The following GATB variants were observed in gnomAD, a reference collection of about 807,000 sequenced individuals.
The protein encoded by GATB is glutamyl-tRNA amidotransferase subunit B, also known as glutamyl-tRNA(Gln) amidotransferase subunit B, mitochondrial.
A neutral mutation model predicts 62.3 loss-of-function variants in GATB; 39 were observed. The observed-to-expected ratio is 0.63, with a 90% CI of 0.48 to 0.82. The LOEUF is 0.82. GATB is among the 40% of genes least tolerant of loss of function. GATB has a pLI of 0.00. For synonymous variants in GATB, 276 were observed against 258.9 expected, an observed-to-expected ratio of 1.07 and a Z score of -0.63; for missense variants, 670 against 684.0, an observed-to-expected ratio of 0.98 and a Z score of 0.23.
In GATB at chr4:151,760,804, T is replaced by C; in HGVS notation, c.176+3A>G. On this transcript the variant is annotated splice_donor_region_variant and intron_variant, in intron 1 of 12. Coordinates refer to ENST00000263985, the MANE Select transcript of GATB (RefSeq NM_004564.3). ...GTGGGCAGAAATGTATGAAACAGAA[T>C]ACCCTTTCCTCGTCTTCTGGGCCGT... 2.5e-6 allele frequency: 4 copies of C among 1,598,538 alleles called. No homozygotes were observed. Among genetic ancestry groups the C allele is most frequent in the Non-Finnish European group, 3.4e-6 (4 of 1,172,240 alleles).
intron 9 of GATB, among the ~76,000 whole-genome samples, chr4:151,698,314 C>T (rs376378779): frequency 1.9e-4 from 29 of 151,974 alleles, no homozygotes; most frequent in African/African-American, 5.8e-4. Flanking sequence ...GCTCACTGCA[C>T]GATAAAATGA....
At chr4:151,712,170 C>A (rs147423679) in intron 5 of GATB, among the ~76,000 whole-genome samples, 62 of 152,320 alleles carry the variant, frequency 4.1e-4, no homozygotes, top group Non-Finnish European at 7.5e-4. Flanking sequence ...TCCATAAATA[C>A]CTGAGAGGAA....
At chr4:151,679,582 T>A (rs1738093593) in intron 11 of GATB, among the ~76,000 whole-genome samples, 1 of 152,170 alleles carries the variant, frequency 6.6e-6, no homozygotes, top group Admixed American at 6.5e-5. Flanking sequence ...GACCAGACAA[T>A]AACTATTTCC....
chr4:151,723,981 T>C (rs1363091151), intron 2 of GATB: 1 of 152,162 alleles, frequency 6.6e-6, no homozygotes, highest in Non-Finnish European at 1.5e-5. Flanking sequence ...CTTGTCTGGC[T>C]TATTGTAAGA....
At chr4:151,741,047 C>A (rs997196536) in intron 2 of GATB, among the ~76,000 whole-genome samples, 1 of 152,062 alleles carries the variant, frequency 6.6e-6, no homozygotes, top group Non-Finnish European at 1.5e-5. Context: ...ACAGGAGTGC[C>A]CCCTTATCCA....
At chr4:151,758,564 G>A (rs1489149651) in intron 2 of GATB, among the ~76,000 whole-genome samples, 1 of 152,168 alleles carries the variant, frequency 6.6e-6, no homozygotes, top group Non-Finnish European at 1.5e-5. Flanking sequence ...GTGAAGTGAT[G>A]AATACATGTA....
At chr4:151,732,064 A>C (rs1739274996) in intron 2 of GATB, among the ~76,000 whole-genome samples, 5 of 123,746 alleles carry the variant, frequency 4.0e-5, no homozygotes, top group African/African-American at 9.9e-5. Context: ...TGGGGGGGTC[A>C]GCCCCCGCCC....
intron 10 of GATB, among the ~76,000 whole-genome samples, chr4:151,684,596 T>C (rs993391818): frequency 3.9e-5 from 6 of 152,242 alleles, no homozygotes; most frequent in Admixed American, 6.5e-5. Context: ...GCTGAGGCTG[T>C]TCATTAATTA....
intron 9 of GATB, among the ~76,000 whole-genome samples, chr4:151,696,153 G>A (rs1738465840): frequency 6.6e-6 from 1 of 152,174 alleles, no homozygotes; most frequent in Non-Finnish European, 1.5e-5. Context: ...TAAAGCTGCA[G>A]AGGACGGCTT....
In GATB at chr4:151,756,409, T is replaced by C. The variant is rs77311825; in HGVS notation, c.327+2363A>G. Among the ~76,000 whole-genome samples, 898 of 152,340 alleles carry C rather than the reference T, an allele frequency of 5.9e-3. 7 individuals are homozygous for C. The highest frequency in any genetic ancestry group is 0.02 in the African/African-American group (844 of 41,588). Reference sequence around the variant, plus strand: ...TCTATTTAGAGGTAAATCAAAAGATTTTGAAATGTTTTGAATGGCAATGCT... The same window carrying C: ...TCTATTTAGAGGTAAATCAAAAGATCTTGAAATGTTTTGAATGGCAATGCT... On this transcript the variant is annotated intron_variant, in intron 2 of 12. Coordinates refer to ENST00000263985, the MANE Select transcript of GATB (RefSeq NM_004564.3).
Position 151,730,244 on chromosome 4 carries a change from C to T in GATB, c.328-10706G>A, listed in dbSNP as rs1270538546. On this transcript the variant is annotated intron_variant, in intron 2 of 12. Transcript: ENST00000263985. The surrounding 1 kb of genome is among the most constrained non-coding windows in gnomAD (Gnocchi z 4.1). ...ACTCCAGTGACCTGGGAATCTCATC[C>T]CCATCATCCACAGCAGCCGCAGCAA... 6.6e-6 allele frequency among the ~76,000 whole-genome samples: 1 copy of T among 152,140 alleles called. No individual in the cohort carries two copies. Among genetic ancestry groups the T allele is most frequent in the Non-Finnish European group, 1.5e-5 (1 of 68,026 alleles).
intron 9 of GATB, among the ~76,000 whole-genome samples, chr4:151,690,141 G>T (rs1387617981): frequency 6.6e-6 from 1 of 152,174 alleles, no homozygotes; most frequent in South Asian, 2.1e-4. Flanking sequence ...TGAGATACTG[G>T]AAAGAAGCAA....
intron 5 of GATB, among the ~76,000 whole-genome samples, chr4:151,709,026 G>GT (rs1349669959): frequency 1.3e-5 from 2 of 152,224 alleles, no homozygotes; most frequent in Admixed American, 6.5e-5. Flanking sequence ...AGAGAACAGA[G>GT]TGAGAAGACA....
At chr4:151,692,339 ACCTAGGAGTG>A (rs1738382483) in intron 9 of GATB, among the ~76,000 whole-genome samples, 1 of 152,226 alleles carries the variant, frequency 6.6e-6, no homozygotes, top group Non-Finnish European at 1.5e-5. Context: ...GAAACTGAGC[ACCTAGGAGTG>A]CCAGGCGCAA....
At chr4:151,715,843 C>G (rs1336910926) in intron 5 of GATB, among the ~76,000 whole-genome samples, 166 bp downstream of exon 5, 6 of 151,880 alleles carry the variant, frequency 4.0e-5, no homozygotes, top group African/African-American at 1.5e-4. Context: ...TCTAAACAAA[C>G]AAACAAACAA....
At position 151,719,410 on chromosome 4, in the gene GATB, A is replaced by C. The variant is rs1738982251; in HGVS notation, c.441+15T>G. On this transcript the variant is annotated intron_variant, in intron 3 of 12. Coordinates refer to ENST00000263985, the MANE Select transcript of GATB (RefSeq NM_004564.3). ...CTGAGAACTTGCAGTGGGGTGGATC[A>C]CAAAGTGTACTTACAGGGAGGTCTG... 3.8e-6 allele frequency: 6 copies of C among 1,581,200 alleles called. 1 individual carries two copies. The East Asian group carries it at 1.3e-4, about 36-fold the overall frequency.
chr4:151,717,122 G>A, intron 3 of GATB, 48 bp from the exon 4 acceptor site: 1 of 1,555,808 alleles, frequency 6.4e-7, no homozygotes, highest in Non-Finnish European at 8.9e-7. Flanking sequence ...ACACATAAAA[G>A]CTGGGATCCA....
In GATB at chr4:151,758,913, T is replaced by A. The variant is rs149029159; in HGVS notation, c.186A>T (p.Lys62Asn). 499 of 1,603,182 alleles carry A rather than the reference T, an allele frequency of 3.1e-4. 4 individuals carry two copies. In the South Asian group the frequency reaches 5.0e-3, roughly 16 times the overall value. Reference protein sequence around the residue: ...TAQKTRKGEHKWAAVVGLEIH... With the variant: ...TAQKTRKGEHNWAAVVGLEIH... Reference sequence around the variant, plus strand: ...TTTCCAAACCTACCACAGCAGCCCATTTGTGTTCACTAAGAAGAAAGAGAT... The same window carrying A: ...TTTCCAAACCTACCACAGCAGCCCAATTGTGTTCACTAAGAAGAAAGAGAT... The change falls in exon 2 of 13, where the codon AAA becomes AAT. Residue 62 changes from lysine (K) to asparagine (N), a missense_variant. Physicochemically the swap from Lys to Asn is moderately conservative, Grantham distance 94. Coordinates refer to ENST00000263985, the MANE Select transcript of GATB (RefSeq NM_004564.3).
At chr4:151,745,026 A>C (rs73865010) in intron 2 of GATB, among the ~76,000 whole-genome samples, 1,572 of 152,334 alleles carry the variant, frequency 0.01, 20 homozygotes, top group African/African-American at 0.036. Context: ...CATGGAGGAT[A>C]ACTATAGAAG....
Sources: gnomAD v4.1 joint callset for allele counts (sites outside exome capture counted in the v4.1 genomes callset) on GRCh38, gnomAD v4.1.1 for gene constraint, Gnocchi (gnomAD v3.1) non-coding constraint, MANE v1.5 for transcripts, NCBI Gene and HGNC (gene_info 2026-07-23, HGNC 2026-07-21) for gene names.